The following ARHGAP15 variants were observed in gnomAD, a reference collection of about 807,000 sequenced individuals.
ARHGAP15 encodes the protein Rho GTPase activating protein 15, also known as rho GTPase-activating protein 15.
A neutral mutation model predicts 63.7 loss-of-function variants in ARHGAP15; 51 were observed. The observed-to-expected ratio is 0.80, with a 90% confidence interval of 0.64 to 1.01. The LOEUF (loss-of-function observed/expected upper bound fraction) is 1.01. Among genes scored for constraint, ARHGAP15 ranks in the 50% least tolerant of loss-of-function variants. The pLI, the probability that ARHGAP15 is intolerant of heterozygous loss-of-function variation, is 0.00. For synonymous variants in ARHGAP15, 191 were observed against 193.8 expected (o/e 0.99, Z 0.12); for missense variants, 560 against 564.6 (o/e 0.99, Z 0.08).
rs558930761 is a variant in ARHGAP15, at chr2:143,475,860, T to C, written c.704-11513T>C. On this transcript the variant is annotated intron_variant, in intron 8 of 13. Transcript: ENST00000295095. ...TAGAGGGGCTTTGAGGGATGATACA[T>C]TTTTCTTGACTCTCATTTGCCAGCC... 2.0e-5 allele frequency among the ~76,000 whole-genome samples: 3 copies of C among 152,360 alleles called. No individual in the cohort carries two copies. In the South Asian group the frequency reaches 6.2e-4, roughly 32 times the overall value.
intron 2 of ARHGAP15, among the ~76,000 whole-genome samples, chr2:143,197,560 G>C (rs1691930408): frequency 6.6e-6 from 1 of 151,762 alleles, no homozygotes; most frequent in Non-Finnish European, 1.5e-5. Context: ...AATTTTTGCT[G>C]ATATCCATGC....
At chr2:143,292,117 A>AC (rs11418987) in intron 6 of ARHGAP15, among the ~76,000 whole-genome samples, 142,528 of 152,086 alleles carry the variant, frequency 0.94, 66,928 homozygotes, top group African/African-American at 0.96. Context: ...GCTTTTCTGT[A>AC]TATAAGCACA....
intron 9 of ARHGAP15, chr2:143,519,010 G>A (rs1693942586): frequency 3.5e-6 from 1 of 288,424 alleles, no homozygotes. Context: ...GGCCCAGAGA[G>A]ACTATAACTT....
At chr2:143,728,764 G>C (rs1357746165) in intron 13 of ARHGAP15, among the ~76,000 whole-genome samples, 1 of 152,194 alleles carries the variant, frequency 6.6e-6, no homozygotes, top group Non-Finnish European at 1.5e-5. Context: ...CCCCGGTCTA[G>C]AGGCATAAGT....
At position 143,262,476 on chromosome 2, in the gene ARHGAP15, G is replaced by A. The variant is rs558216799; in HGVS notation, c.474+11876G>A. ...ATCCTCAGCCAGGAGGAGTTTAGTC[G>A]GTTTTGTTTGTCTGAAGGAGTCAAT... On this transcript the variant is annotated intron_variant, in intron 6 of 13. Coordinates refer to ENST00000295095, the MANE Select transcript of ARHGAP15 (RefSeq NM_018460.4). Among the ~76,000 whole-genome samples the A allele has an allele frequency of 3.0e-4, 45 of 150,306 alleles. 1 individual carries two copies. The highest frequency in any genetic ancestry group is 1.1e-3 in the African/African-American group (43 of 40,780).
rs537929503 is a variant in ARHGAP15, at chr2:143,730,881, G to A, written c.1244+27357G>A. Among the ~76,000 whole-genome samples the A allele has an allele frequency of 1.9e-3, 198 of 101,592 alleles. 1 individual carries two copies. The highest frequency in any genetic ancestry group is 7.4e-3 in the African/African-American group (192 of 25,906). 66.6% of individuals were successfully genotyped at this position (101,592 alleles called of 152,430 possible). A position where few individuals can be genotyped will look rare whatever the true frequency, so the allele number is the denominator to read the frequency against. ...GCAATTTCAGTCCAGTCAACACCTA[G>A]AGCACTCCTTTAAAAAAAAAAAAAA... On this transcript the variant is annotated intron_variant, in intron 13 of 13. Transcript: ENST00000295095.
intron 6 of ARHGAP15, among the ~76,000 whole-genome samples, chr2:143,320,223 A>C (rs889967835): frequency 6.6e-6 from 1 of 152,140 alleles, no homozygotes; most frequent in African/African-American, 2.4e-5. Context: ...CTGTCTTCCC[A>C]TATTTTAAGT....
At chr2:143,178,870 C>A (rs982497495) in intron 2 of ARHGAP15, among the ~76,000 whole-genome samples, 1 of 152,198 alleles carries the variant, frequency 6.6e-6, no homozygotes, top group Non-Finnish European at 1.5e-5. Flanking sequence ...TATAGAAATG[C>A]AATATAGAAT....
At chr2:143,176,108 C>G (rs576222763) in intron 2 of ARHGAP15, among the ~76,000 whole-genome samples, 159 of 152,092 alleles carry the variant, frequency 1.0e-3, no homozygotes, top group Non-Finnish European at 1.8e-4. Flanking sequence ...TCCTTCAGAT[C>G]AACAATTGGT....
intron 9 of ARHGAP15, among the ~76,000 whole-genome samples, chr2:143,507,925 A>G (rs1461219720): frequency 1.3e-5 from 2 of 151,928 alleles, no homozygotes; most frequent in East Asian, 3.9e-4. Context: ...CCTATATTTC[A>G]CTACCCCCCT....
At chr2:143,270,403 G>A (rs1681215422) in intron 6 of ARHGAP15, among the ~76,000 whole-genome samples, 1 of 152,130 alleles carries the variant, frequency 6.6e-6, no homozygotes, top group African/African-American at 2.4e-5. Context: ...CTGATCGGTA[G>A]CTTTTCACTT....
At chr2:143,696,857 G>C (rs556252498) in intron 12 of ARHGAP15, among the ~76,000 whole-genome samples, 1 of 152,290 alleles carries the variant, frequency 6.6e-6, no homozygotes, top group South Asian at 2.1e-4. Flanking sequence ...GAGTCAGATA[G>C]ATTCAGTTCC....
intron 10 of ARHGAP15, among the ~76,000 whole-genome samples, chr2:143,528,435 T>G (rs1694375327): frequency 1.3e-5 from 2 of 152,108 alleles, no homozygotes; most frequent in Admixed American, 6.6e-5. Context: ...ATGATAATTT[T>G]TTTGAGTTGA....
intron 11 of ARHGAP15, among the ~76,000 whole-genome samples, chr2:143,569,516 G>A (rs993599874): frequency 6.6e-6 from 1 of 152,142 alleles, no homozygotes; most frequent in Non-Finnish European, 1.5e-5. Flanking sequence ...TGTGGGGGGA[G>A]TGCAAAGCAG....
intron 9 of ARHGAP15, among the ~76,000 whole-genome samples, chr2:143,498,398 T>C (rs1420787950): frequency 6.6e-6 from 1 of 152,124 alleles, no homozygotes; most frequent in African/African-American, 2.4e-5. Flanking sequence ...TAGTCATAAT[T>C]GGTGGTCTGT....
chr2:143,236,085 A>G (rs1693632089), intron 5 of ARHGAP15: 1 of 1,344,022 alleles, frequency 7.4e-7, no homozygotes, highest in East Asian at 2.7e-5. Context: ...CCATTCATTT[A>G]TTCTCTCAAC....
intron 8 of ARHGAP15, among the ~76,000 whole-genome samples, chr2:143,467,755 GA>G (rs1343088991): frequency 6.6e-6 from 1 of 152,026 alleles, no homozygotes; most frequent in East Asian, 1.9e-4. Flanking sequence ...GCAAAAATAT[GA>G]ATTATACAGT....
At chr2:143,744,583 G>A (rs117822617) in intron 13 of ARHGAP15, among the ~76,000 whole-genome samples, 3 of 152,278 alleles carry the variant, frequency 2.0e-5, no homozygotes, top group East Asian at 1.9e-4. Flanking sequence ...GCAAAGAGGC[G>A]CCGCACAAGA....
At chr2:143,527,521 A>G (rs1473105245) in intron 10 of ARHGAP15, among the ~76,000 whole-genome samples, 1 of 152,096 alleles carries the variant, frequency 6.6e-6, no homozygotes, top group African/African-American at 2.4e-5. Flanking sequence ...CACTTTGAGA[A>G]AAAAACCTAA....
Sources: gnomAD v4.1 joint callset for allele counts (sites outside exome capture counted in the v4.1 genomes callset) on GRCh38, gnomAD v4.1.1 for gene constraint, MANE v1.5 for transcripts, NCBI Gene and HGNC (gene_info 2026-07-23, HGNC 2026-07-21) for gene names.